Variants in ST18 observed in about 807,000 individuals in gnomAD.
The protein encoded by ST18 is ST18 C2H2C-type zinc finger transcription factor, also known as suppression of tumorigenicity 18 protein.
A neutral mutation model predicts 110.0 loss-of-function variants in ST18; 50 were observed. The ratio of observed to expected loss-of-function variants is 0.45; its 90% CI spans 0.36 to 0.58. ST18 has a LOEUF of 0.58. ST18 is among the 20% of genes least tolerant of loss of function. The pLI is 0.00. For missense variants in ST18, 1,306 were observed against 1,280.1 expected, an observed-to-expected ratio of 1.02 and a Z score of -0.31; for synonymous variants, 461 against 452.4, an observed-to-expected ratio of 1.02 and a Z score of -0.24.
intron 2 of ST18, among the ~76,000 whole-genome samples, chr8:52,369,368 C>G (rs1829392576): frequency 6.6e-6 from 1 of 152,094 alleles, no homozygotes; most frequent in South Asian, 2.1e-4. Flanking sequence ...GAGTCATGCC[C>G]TTAAGAAAAA....
chr8:52,148,183 G>A (rs568866828), intron 16 of ST18, among the ~76,000 whole-genome samples: 23 of 152,256 alleles, frequency 1.5e-4, no homozygotes, highest in East Asian at 1.9e-4. Context: ...TTTCACATTC[G>A]TTATCATCAA....
At chr8:52,288,606 ATT>A (rs2095505526) in intron 2 of ST18, among the ~76,000 whole-genome samples, 1 of 151,708 alleles carries the variant, frequency 6.6e-6, no homozygotes, top group African/African-American at 2.4e-5. Context: ...AGGCTGGAGA[ATT>A]GCTTGAACCT....
intron 7 of ST18, among the ~76,000 whole-genome samples, chr8:52,213,810 A>G (rs1253706722): frequency 6.6e-6 from 1 of 152,188 alleles, no homozygotes; most frequent in Non-Finnish European, 1.5e-5. Flanking sequence ...ACTAAACCAG[A>G]TAACATAAAA....
At chr8:52,388,946 C>A (rs1838122414) in intron 2 of ST18, among the ~76,000 whole-genome samples, 2 of 143,598 alleles carry the variant, frequency 1.4e-5, no homozygotes, top group Non-Finnish European at 3.0e-5. Context: ...GCACATGTAC[C>A]CTAAAACTTA....
At chr8:52,306,834 A>G (rs2095821158) in intron 2 of ST18, among the ~76,000 whole-genome samples, 1 of 152,228 alleles carries the variant, frequency 6.6e-6, no homozygotes, top group Non-Finnish European at 1.5e-5. Flanking sequence ...TTTGATGGGA[A>G]AGTCCCATTA....
At chr8:52,190,792 A>T (rs549298088) in intron 8 of ST18, among the ~76,000 whole-genome samples, 1 of 152,310 alleles carries the variant, frequency 6.6e-6, no homozygotes, top group East Asian at 1.9e-4. Context: ...GCTAAGGAGA[A>T]CAGAGAAGCA....
intron 2 of ST18, among the ~76,000 whole-genome samples, chr8:52,299,709 C>T (rs1238817953): frequency 2.0e-5 from 3 of 152,200 alleles, no homozygotes; most frequent in African/African-American, 7.2e-5. Context: ...GTAGTATCAA[C>T]CTGAGACCAC....
At chr8:52,361,015 T>C (rs576067908) in intron 2 of ST18, among the ~76,000 whole-genome samples, 2 of 152,306 alleles carry the variant, frequency 1.3e-5, no homozygotes, top group Non-Finnish European at 2.9e-5. Context: ...AAGCCTTCCA[T>C]TGTGAGTTTT....
chr8:52,158,968 A>G lies in ST18; in HGVS notation c.1736T>C (p.Leu579Pro), dbSNP rs775641499. The G allele has an allele frequency of 2.0e-5, 33 of 1,613,942 alleles. No homozygotes were observed. Among genetic ancestry groups the G allele is most frequent in the Non-Finnish European group, 2.6e-5 (31 of 1,179,938 alleles). The change falls in exon 15 of 26, where the codon CTG becomes CCG. Residue 579 changes from leucine (L) to proline (P), a missense_variant. Transcript: ENST00000689386. Reference sequence around the variant, plus strand: ...TTCCCTGCAGCGGGTGGAAAGGTTCAGGATGGCAGCAGCTGCTGCTATGTG... The same window carrying G: ...TTCCCTGCAGCGGGTGGAAAGGTTCGGGATGGCAGCAGCTGCTGCTATGTG... ...DTHIAAAAAI[L>P]NLSTRCREAT...
At chr8:52,329,802 G>A (rs1433889445) in intron 2 of ST18, among the ~76,000 whole-genome samples, 3 of 151,966 alleles carry the variant, frequency 2.0e-5, no homozygotes, top group Non-Finnish European at 2.9e-5. Context: ...AAGAAACCAG[G>A]GAAGGTTGAA....
chr8:52,357,710 TATATATATATATATATATATAA>T (rs1823632984), intron 2 of ST18, among the ~76,000 whole-genome samples: 1 of 76,126 alleles, frequency 1.3e-5, no homozygotes, highest in Non-Finnish European at 2.4e-5. Context: ...TATATATATA[TATATATATATATATATATATAA>T]AACAGACTCA....
chr8:52,339,907 T>C (rs1436967189), intron 2 of ST18, among the ~76,000 whole-genome samples: 1 of 152,258 alleles, frequency 6.6e-6, no homozygotes, highest in Non-Finnish European at 1.5e-5. Flanking sequence ...ATATTGGCAT[T>C]AGGAGCATTT....
intron 2 of ST18, among the ~76,000 whole-genome samples, chr8:52,394,687 C>T (rs1431659821): frequency 6.6e-6 from 1 of 152,138 alleles, no homozygotes; most frequent in Admixed American, 6.5e-5. Context: ...TTAATTCTTG[C>T]CACAAAATGA....
intron 2 of ST18, among the ~76,000 whole-genome samples, chr8:52,286,160 G>A (rs2095468557): frequency 6.6e-6 from 1 of 152,208 alleles, no homozygotes; most frequent in Admixed American, 6.5e-5. Context: ...CAGGAATTTA[G>A]AGGATCATAT....
At chr8:52,198,072 T>C (rs1447273612) in intron 8 of ST18, among the ~76,000 whole-genome samples, 3 of 152,160 alleles carry the variant, frequency 2.0e-5, no homozygotes, top group South Asian at 2.1e-4. Flanking sequence ...TGGAGTGCAA[T>C]GTGCAGTGGC....
chr8:52,349,031 T>C (rs1819070953), intron 2 of ST18, among the ~76,000 whole-genome samples: 1 of 152,104 alleles, frequency 6.6e-6, no homozygotes, highest in Non-Finnish European at 1.5e-5. Flanking sequence ...CATTCTCTAG[T>C]CACCACTATG....
chr8:52,257,879 T>A (rs1441312880), intron 2 of ST18, among the ~76,000 whole-genome samples: 5 of 152,202 alleles, frequency 3.3e-5, no homozygotes, highest in African/African-American at 1.2e-4. Context: ...AAAGATTACA[T>A]CTGTTTTCTT....
chr8:52,316,958 A>C (rs1325254308), intron 2 of ST18, among the ~76,000 whole-genome samples: 2 of 152,242 alleles, frequency 1.3e-5, no homozygotes, highest in Non-Finnish European at 2.9e-5. Context: ...TATCTTAAAG[A>C]AGCCTTCATC....
intron 2 of ST18, among the ~76,000 whole-genome samples, chr8:52,401,600 G>C (rs1262119858): frequency 6.6e-6 from 1 of 151,614 alleles, no homozygotes; most frequent in Non-Finnish European, 1.5e-5. Flanking sequence ...TGTTGAAGCT[G>C]TCAATTTTAA....
Sources: gnomAD v4.1 joint callset for allele counts (sites outside exome capture counted in the v4.1 genomes callset) on GRCh38, gnomAD v4.1.1 for gene constraint, MANE v1.5 for transcripts, NCBI Gene and HGNC (gene_info 2026-07-23, HGNC 2026-07-21) for gene names.